The following RGS18 variants were observed in gnomAD, a reference collection of about 807,000 sequenced individuals.
RGS18 encodes regulator of G protein signaling 18.
A neutral mutation model predicts 27.6 loss-of-function variants in RGS18; 22 were observed. The ratio of observed to expected loss-of-function variants is 0.80; its 90% CI spans 0.57 to 1.14. The LOEUF (loss-of-function observed/expected upper bound fraction) is 1.14, where lower values mean the gene tolerates loss of function less well. RGS18 is among the 50% of genes most tolerant of loss of function. The pLI, the probability that RGS18 is intolerant of heterozygous loss-of-function variation, is 0.00. For missense variants in RGS18, 299 were observed against 269.6 expected, an observed-to-expected ratio of 1.11 and a Z score of -0.76; for synonymous variants, 89 against 84.6, an observed-to-expected ratio of 1.05 and a Z score of -0.29.
intron 3 of RGS18, among the ~76,000 whole-genome samples, chr1:192,166,686 T>C (rs548830806): frequency 6.6e-6 from 1 of 152,270 alleles, no homozygotes; most frequent in Admixed American, 6.5e-5. Context: ...GAGCCAAAGA[T>C]TTCTAGATTT....
chr1:192,164,697 C>A (rs573259841), intron 3 of RGS18, among the ~76,000 whole-genome samples: 1 of 151,942 alleles, frequency 6.6e-6, no homozygotes, highest in African/African-American at 2.4e-5. Flanking sequence ...TCAGGGACCC[C>A]GAAAGAAGGG....
rs2102148526 is a variant in RGS18 at position 192,158,765 on chromosome 1, G to A, written c.119+9G>A. The A allele has an allele frequency of 6.6e-7, 1 of 1,521,068 alleles. No homozygotes were observed. Among genetic ancestry groups the A allele is most frequent in the South Asian group, 1.3e-5 (1 of 78,134 alleles). The allele number at this position is 1,521,068 out of a possible 1,614,324, so 94.2% of individuals were successfully genotyped here. ...AAAGAAGCCAAAATCAGGTAAAATT[G>A]TACAATTTTAAGTCAGCCTTATACT... On this transcript the variant is annotated intron_variant, in intron 1 of 4. Transcript: ENST00000367460.
intron 1 of RGS18, 33 bp downstream of exon 1, chr1:192,158,789 C>G (rs1179632875): frequency 7.3e-7 from 1 of 1,376,170 alleles, no homozygotes; most frequent in Non-Finnish European, 1.0e-6. Flanking sequence ...CAGCCTTATA[C>G]TTTTAAAAGC....
chr1:192,160,922 G>A (rs1483290241), intron 3 of RGS18, among the ~76,000 whole-genome samples: 1 of 152,088 alleles, frequency 6.6e-6, no homozygotes, highest in Non-Finnish European at 1.5e-5. Flanking sequence ...GCGCCATCTC[G>A]GCTCACTGCA....
chr1:192,161,600 T>A (rs1021664242), intron 3 of RGS18: 2 of 152,072 alleles, frequency 1.3e-5, no homozygotes, highest in Admixed American at 6.6e-5. Flanking sequence ...TTTTTTGCAC[T>A]TTAAACTTGT....
chr1:192,183,314 A>T (rs1394289387), intron 4 of RGS18, among the ~76,000 whole-genome samples: 2 of 151,652 alleles, frequency 1.3e-5, no homozygotes, highest in Non-Finnish European at 3.0e-5. Context: ...TTCATACTAC[A>T]GCATATGTTT....
intron 3 of RGS18, among the ~76,000 whole-genome samples, chr1:192,165,436 C>T (rs1045774509): frequency 5.3e-5 from 8 of 152,168 alleles, no homozygotes; most frequent in Admixed American, 3.9e-4. Flanking sequence ...AGCATGTGAT[C>T]TCTGTGACCC....
chr1:192,166,150 A>G (rs988855866), intron 3 of RGS18, among the ~76,000 whole-genome samples: 1 of 152,188 alleles, frequency 6.6e-6, no homozygotes, highest in Non-Finnish European at 1.5e-5. Flanking sequence ...GTATACATAT[A>G]TGTGTATGGC....
At chr1:192,163,536 C>T (rs1410577212) in intron 3 of RGS18, 1 of 152,036 alleles carries the variant, frequency 6.6e-6, no homozygotes, top group African/African-American at 2.4e-5. Context: ...TCTCTTTTCT[C>T]TACTGGTAAT....
chr1:192,171,263 G>A (rs1193690619), intron 3 of RGS18, among the ~76,000 whole-genome samples: 1 of 151,972 alleles, frequency 6.6e-6, no homozygotes, highest in East Asian at 1.9e-4. Context: ...CTGAGCTAGA[G>A]AAAGAAGAGC....
At chr1:192,165,042 C>A (rs1342561808) in intron 3 of RGS18, among the ~76,000 whole-genome samples, 1 of 152,066 alleles carries the variant, frequency 6.6e-6, no homozygotes, top group Non-Finnish European at 1.5e-5. Context: ...TCTCTTATTG[C>A]CGAAAATGGG....
In RGS18 at chr1:192,158,485, G is replaced by C. The variant is rs978080397; in HGVS notation, c.-153G>C. The C allele has an allele frequency of 9.7e-6, 6 of 617,796 alleles. No individual in the cohort carries two copies. The highest frequency in any genetic ancestry group is 1.4e-5 in the Non-Finnish European group (6 of 414,920). 38.3% of individuals were successfully genotyped at this position (617,796 alleles called of 1,614,324 possible). On this transcript the variant is annotated 5_prime_UTR_variant, in exon 1 of 5. Coordinates refer to ENST00000367460, the MANE Select transcript of RGS18 (RefSeq NM_130782.3). ...TCAGTTCTGCATTTCTGCAGAGACA[G>C]AAAGAAACGCAGCTCTTGACTTCTT...
rs941726951 is a variant in RGS18, at chr1:192,184,761, C to A, written c.*207C>A. On this transcript the variant is annotated 3_prime_UTR_variant, in exon 5 of 5. Transcript: ENST00000367460. ...GTAAAACCTTCTATTTGATGTCATTCCATTTATAATCAGAAAAAAAACTTA... is the reference window on the plus strand; with the variant it reads ...GTAAAACCTTCTATTTGATGTCATTACATTTATAATCAGAAAAAAAACTTA... The A allele has an allele frequency of 4.3e-6, 2 of 469,232 alleles. No homozygotes were observed. Among genetic ancestry groups the A allele is most frequent in the Non-Finnish European group, 7.5e-6 (2 of 265,902 alleles). 29.1% of individuals were successfully genotyped at this position (469,232 alleles called of 1,614,324 possible).
intron 3 of RGS18, among the ~76,000 whole-genome samples, chr1:192,162,743 CAT>C (rs1656095623): frequency 6.6e-6 from 1 of 152,128 alleles, no homozygotes; most frequent in Admixed American, 6.6e-5. Context: ...TTCCATAATT[CAT>C]GTCCCCCAAA....
At chr1:192,160,102 T>TA (rs1656044394) in intron 2 of RGS18, among the ~76,000 whole-genome samples, 1 of 151,902 alleles carries the variant, frequency 6.6e-6, no homozygotes, top group Non-Finnish European at 1.5e-5. Flanking sequence ...CCCTTTAACC[T>TA]AAAAAAGGAT....
At chr1:192,172,380 T>C (rs1571389922) in intron 3 of RGS18, among the ~76,000 whole-genome samples, 2 of 151,994 alleles carry the variant, frequency 1.3e-5, no homozygotes, top group South Asian at 2.1e-4. Flanking sequence ...GATCCCTCTC[T>C]GCACATGCCC....
Position 192,184,360 on chromosome 1 carries a change from A to G in RGS18, c.514A>G (p.Ser172Gly), listed in dbSNP as rs1217220637. Reference protein sequence around the residue: ...TNSITQPTLHSFDAAQSRVYQ... With the variant: ...TNSITQPTLHGFDAAQSRVYQ... ...CAGCATCACTCAACCTACCCTCCAC[A>G]GTTTTGATGCTGCACAAAGCAGAGT... is the stretch of plus-strand genomic sequence containing the variant. Residue 172 changes from serine to glycine, a missense_variant, in exon 5 of 5, where the codon AGT (serine) becomes GGT (glycine). Ser to Gly is a moderately conservative substitution (Grantham distance 56, BLOSUM62 0). Transcript: ENST00000367460. 10 of 1,611,618 alleles carry G rather than the reference A, an allele frequency of 6.2e-6. No individual in the cohort carries two copies. Among genetic ancestry groups the G allele is most frequent in the Non-Finnish European group, 8.5e-6 (10 of 1,178,492 alleles).
intron 4 of RGS18, among the ~76,000 whole-genome samples, chr1:192,181,873 G>C (rs1656463422): frequency 6.6e-6 from 1 of 151,442 alleles, no homozygotes; most frequent in Non-Finnish European, 1.5e-5. Flanking sequence ...CCTAGCCCTT[G>C]GTAACCACTA....
At chr1:192,166,420 A>G (rs1232146703) in intron 3 of RGS18, among the ~76,000 whole-genome samples, 1 of 152,180 alleles carries the variant, frequency 6.6e-6, no homozygotes, top group Admixed American at 6.5e-5. Flanking sequence ...TGAGGCAAAG[A>G]ATAATAAACA....
Sources: allele counts gnomAD v4.1 joint callset (sites outside exome capture counted in the v4.1 genomes callset), GRCh38; gene constraint gnomAD v4.1.1; transcripts MANE v1.5; gene names NCBI Gene and HGNC (gene_info 2026-07-23, HGNC 2026-07-21).